The following THTPA variants were observed in gnomAD, a reference collection of about 807,000 sequenced individuals.
THTPA encodes thiamine-triphosphatase.
A neutral mutation model predicts 16.5 loss-of-function variants in THTPA; 16 were observed. The ratio of observed to expected loss-of-function variants is 0.97; its 90% CI spans 0.66 to 1.47. The LOEUF is 1.47. Ranked by LOEUF, THTPA falls within the 40% of genes most tolerant of loss-of-function variation. THTPA has a pLI of 0.00. For missense variants in THTPA, 281 were observed against 280.9 expected (o/e 1.00, Z 0.00); for synonymous variants, 110 against 115.5 (o/e 0.95, Z 0.30).
the THTPA span, among the ~76,000 whole-genome samples, chr14:23,540,760 C>T: frequency 6.6e-6 from 1 of 152,118 alleles, no homozygotes; most frequent in East Asian, 1.9e-4. Flanking sequence ...TTGTGAAGAC[C>T]AGATAGGTAA....
the THTPA span, chr14:23,527,043 T>C: frequency 1.4e-5 from 20 of 1,440,714 alleles, no homozygotes; most frequent in Non-Finnish European, 1.8e-5. Context: ...CTGACCCATC[T>C]GCCCTACACC....
the THTPA span, chr14:23,534,413 G>T: frequency 6.5e-7 from 1 of 1,536,828 alleles, no homozygotes; most frequent in Non-Finnish European, 8.7e-7. This position sits in a 1 kb window ranked among gnomAD's most constrained non-coding sequence, Gnocchi z 4.5. Flanking sequence ...TTGTCAAGGG[G>T]TATGTCAGAA....
In THTPA at chr14:23,560,199, AGT is replaced by A. The variant is rs1474244605; in HGVS notation, c.*1361_*1362del. ...TGTCTCCCACCCACCTCCTCCACTT[AGT>A]GGCCTTTTCTCCTGGAGTCCCCAGG... On this transcript the variant is annotated 3_prime_UTR_variant, in exon 2 of 2. Transcript: ENST00000288014. The A allele has an allele frequency of 6.3e-7, 1 of 1,588,816 alleles. No individual in the cohort carries two copies. The highest frequency in any genetic ancestry group is 8.6e-7 in the Non-Finnish European group (1 of 1,162,048).
At chr14:23,526,338 G>C in the THTPA span, 4 of 1,536,290 alleles carry the variant, frequency 2.6e-6, no homozygotes, top group Non-Finnish European at 3.5e-6. Context: ...ATATTCTTCT[G>C]GGTGAAGGAC....
rs1253200719 is a variant in THTPA at position 23,559,752 on chromosome 14, C to T, written c.*912C>T. ...TTCAGGCTGTGAGTGGAGACAGTTA[C>T]TGCCACGATTCCACAGGCAAGTTGT... is the stretch of plus-strand genomic sequence containing the variant. On this transcript the variant is annotated 3_prime_UTR_variant, in exon 2 of 2. Transcript: ENST00000288014. 17 of 1,613,916 alleles carry T rather than the reference C, an allele frequency of 1.1e-5. No homozygotes were observed. In the East Asian group the frequency reaches 2.9e-4, roughly 27 times the overall value.
the THTPA span, among the ~76,000 whole-genome samples, chr14:23,519,965 G>A: frequency 6.6e-6 from 1 of 152,164 alleles, no homozygotes; most frequent in African/African-American, 2.4e-5. Flanking sequence ...AAAACTACCT[G>A]GAGGACGAGG....
chr14:23,527,858 C>A, the THTPA span: 9 of 1,466,682 alleles, frequency 6.1e-6, no homozygotes, highest in Non-Finnish European at 8.3e-6. Context: ...TGGGACCCAC[C>A]ATCACATAGT....
chr14:23,535,270 T>C, the THTPA span: 1 of 1,496,536 alleles, frequency 6.7e-7, no homozygotes, highest in Non-Finnish European at 8.9e-7. The surrounding 1 kb of genome is among the most constrained non-coding windows in gnomAD (Gnocchi z 4.5). Context: ...GGACGGGGCA[T>C]TGTGCCCAGG....
chr14:23,525,350 G>C, the THTPA span: 3 of 1,536,182 alleles, frequency 2.0e-6, no homozygotes, highest in Non-Finnish European at 2.6e-6. The surrounding 1 kb of genome is among the most constrained non-coding windows in gnomAD (Gnocchi z 5.9). Flanking sequence ...GGGAGGCTCT[G>C]CAAGGGGCGG....
chr14:23,530,628 G>A, the THTPA span: 4 of 355,222 alleles, frequency 1.1e-5, no homozygotes, highest in East Asian at 7.7e-5. Flanking sequence ...GGAGATTACC[G>A]CTCAAGTAAG....
At chr14:23,538,657 A>G in the THTPA span, among the ~76,000 whole-genome samples, 1 of 151,990 alleles carries the variant, frequency 6.6e-6, no homozygotes, top group South Asian at 2.1e-4. Flanking sequence ...GACACATCTC[A>G]GATGTGGGTA....
chr14:23,518,696 C>T, the THTPA span, among the ~76,000 whole-genome samples: 1 of 152,130 alleles, frequency 6.6e-6, no homozygotes, highest in Admixed American at 6.6e-5. The surrounding 1 kb of genome is among the most constrained non-coding windows in gnomAD (Gnocchi z 4.5). Flanking sequence ...GAAGCCAAGC[C>T]CTAGGGTTAG....
At chr14:23,522,555 C>T in the THTPA span, 6 of 1,528,132 alleles carry the variant, frequency 3.9e-6, no homozygotes, top group Non-Finnish European at 5.3e-6. Context: ...TTCTTCATGC[C>T]ATAGAGCTGT....
the THTPA span, among the ~76,000 whole-genome samples, chr14:23,547,335 T>G: frequency 6.6e-6 from 1 of 152,250 alleles, no homozygotes; most frequent in Non-Finnish European, 1.5e-5. Context: ...ATTTATGAAC[T>G]CCTTATTTGC....
chr14:23,549,813 A>T, the THTPA span, among the ~76,000 whole-genome samples: 1 of 152,150 alleles, frequency 6.6e-6, no homozygotes, highest in African/African-American at 2.4e-5. Flanking sequence ...GCCTTCACAA[A>T]CCATACCCCA....
chr14:23,552,087 C>T (rs1195963374), upstream of THTPA, among the ~76,000 whole-genome samples: 2 of 152,032 alleles, frequency 1.3e-5, no homozygotes, highest in Non-Finnish European at 2.9e-5. Flanking sequence ...TTTTTTCATT[C>T]TCTTCTTCCT....
At chr14:23,521,680 AGG>A in the THTPA span, 4 of 422,788 alleles carry the variant, frequency 9.5e-6, no homozygotes, top group African/African-American at 8.1e-5. Context: ...ATGAATAATC[AGG>A]GTGCCAAGAT....
chr14:23,522,227 G>A, the THTPA span: 1 of 1,478,792 alleles, frequency 6.8e-7, no homozygotes, highest in Non-Finnish European at 9.0e-7. Flanking sequence ...CAATGGGGGT[G>A]GCATGGAGCC....
the THTPA span, chr14:23,533,639 G>C: frequency 6.5e-7 from 1 of 1,536,984 alleles, no homozygotes; most frequent in South Asian, 1.2e-5. This position sits in a 1 kb window ranked among gnomAD's most constrained non-coding sequence, Gnocchi z 4.8. Context: ...TTGGTCTTAG[G>C]CTCTTTGTCT....
Sources: allele counts gnomAD v4.1 joint callset (sites outside exome capture counted in the v4.1 genomes callset), GRCh38; gene constraint gnomAD v4.1.1; non-coding constraint Gnocchi (gnomAD v3.1); transcripts MANE v1.5; gene names NCBI Gene and HGNC (gene_info 2026-07-23, HGNC 2026-07-21).